Variants in RGS22 observed in about 807,000 individuals in gnomAD.
RGS22 encodes regulator of G protein signaling 22.
Under a neutral mutation model 172.9 loss-of-function variants are expected in RGS22, and 148 were observed. The observed-to-expected ratio is 0.86, with a 90% CI of 0.75 to 0.98. The LOEUF is 0.98. RGS22 is among the 50% of genes least tolerant of loss of function. The pLI is 0.00. For synonymous variants in RGS22, 458 were observed against 480.2 expected, an observed-to-expected ratio of 0.95 and a Z score of 0.60; for missense variants, 1,347 against 1,440.8, an observed-to-expected ratio of 0.93 and a Z score of 1.05.
intron 3 of RGS22, among the ~76,000 whole-genome samples, chr8:100,089,665 G>T (rs1285003729): frequency 6.6e-6 from 1 of 152,086 alleles, no homozygotes; most frequent in Non-Finnish European, 1.5e-5. Context: ...TCTATTCAAA[G>T]AAACATTTAT....
intron 23 of RGS22, among the ~76,000 whole-genome samples, chr8:99,971,868 T>C (rs539873594): frequency 1.5e-3 from 225 of 152,244 alleles, no homozygotes; most frequent in African/African-American, 5.2e-3. Flanking sequence ...CAAGCTACCA[T>C]TGACTTTCTT....
At chr8:99,999,114 A>G in intron 19 of RGS22, 148 bp downstream of exon 19, 1 of 664,480 alleles carries the variant, frequency 1.5e-6, no homozygotes, top group Non-Finnish European at 2.5e-6. Flanking sequence ...AGCTAGGATC[A>G]CACCACTGCA....
chr8:99,974,562 G>A (rs1053663088), intron 23 of RGS22, among the ~76,000 whole-genome samples: 1 of 152,166 alleles, frequency 6.6e-6, no homozygotes, highest in African/African-American at 2.4e-5. Context: ...CACTTTGGGA[G>A]GCCAAGGTGG....
At chr8:100,076,610 T>G (rs1256718627) in intron 4 of RGS22, among the ~76,000 whole-genome samples, 10 of 152,250 alleles carry the variant, frequency 6.6e-5, no homozygotes, top group Admixed American at 6.5e-4. Context: ...GGCACGATTT[T>G]AAACTGTGAA....
chr8:100,075,185 A>C (rs59118638), intron 4 of RGS22, among the ~76,000 whole-genome samples: 3,115 of 152,238 alleles, frequency 0.02, 106 homozygotes, highest in African/African-American at 0.07. Context: ...CTCATACTGA[A>C]TGTGATCCCC....
chr8:99,977,930 T>G lies in RGS22; in HGVS notation c.3506A>C (p.Glu1169Ala), dbSNP rs1305045955. Reference sequence around the variant, plus strand: ...GTCTTGTCTCACCTTTCCAGATTTTTCGTCTTCTAGGACTGCCAATTTTTT... The same window carrying G: ...GTCTTGTCTCACCTTTCCAGATTTTGCGTCTTCTAGGACTGCCAATTTTTT... Reference protein sequence around the residue: ...QKKKLAVLEDEKSGKDGIKQY... With the variant: ...QKKKLAVLEDAKSGKDGIKQY... Residue 1169 changes from glutamate to alanine, a missense_variant, in exon 23 of 28, where the codon GAA (glutamate) becomes GCA (alanine). By Grantham distance (107) the Glu-to-Ala change is moderately radical. Coordinates refer to ENST00000360863, the MANE Select transcript of RGS22 (RefSeq NM_015668.5). The G allele has an allele frequency of 2.6e-6, 4 of 1,564,374 alleles. No individual in the cohort carries two copies. Among genetic ancestry groups the G allele is most frequent in the Non-Finnish European group, 3.4e-6 (4 of 1,164,552 alleles).
intron 9 of RGS22, among the ~76,000 whole-genome samples, chr8:100,055,595 C>G (rs536625965): frequency 6.6e-6 from 1 of 152,272 alleles, no homozygotes; most frequent in South Asian, 2.1e-4. Context: ...CCAAATCTCA[C>G]CTTGAATTAT....
At chr8:100,029,533 C>T (rs982665888) in intron 14 of RGS22, among the ~76,000 whole-genome samples, 1 of 151,858 alleles carries the variant, frequency 6.6e-6, no homozygotes, top group South Asian at 2.1e-4. Context: ...GAAACCCCGT[C>T]TCTACTAAAA....
At chr8:100,008,022 T>A (rs2131365661) in intron 15 of RGS22, among the ~76,000 whole-genome samples, 1 of 151,590 alleles carries the variant, frequency 6.6e-6, no homozygotes, top group South Asian at 2.1e-4. Context: ...TTTTTATTTT[T>A]ATTTTATTTT....
intron 14 of RGS22, among the ~76,000 whole-genome samples, chr8:100,014,513 C>A (rs1007027456): frequency 6.6e-6 from 1 of 152,176 alleles, no homozygotes; most frequent in Non-Finnish European, 1.5e-5. Context: ...TCAATAGCTT[C>A]TTTCCTTAAT....
rs745432794 is a variant in RGS22, at chr8:100,063,950, CCTT to C, written c.815_817del (p.Glu272del). 7.6e-5 allele frequency: 120 copies of C among 1,576,098 alleles called. No homozygotes were observed. Among genetic ancestry groups the C allele is most frequent in the East Asian group, 2.0e-4 (9 of 44,340 alleles). ...AGATACAGACACCTCTTCTTCTTCT[CCTT>C]CTTCTTCTTCAAATTCAGAAATCAA... On this transcript the variant is annotated inframe_deletion, in exon 8 of 28. Coordinates refer to ENST00000360863, the MANE Select transcript of RGS22 (RefSeq NM_015668.5).
chr8:99,997,944 G>C (rs1376068080), intron 19 of RGS22, among the ~76,000 whole-genome samples: 1 of 152,182 alleles, frequency 6.6e-6, no homozygotes, highest in Non-Finnish European at 1.5e-5. Context: ...GATATGCATA[G>C]ACAGAGATGT....
rs1387939694 is a variant in RGS22 at position 100,080,244 on chromosome 8, G to A, written c.229C>T (p.Pro77Ser). 6.2e-7 allele frequency: 1 copy of A among 1,613,792 alleles called. No individual in the cohort carries two copies. The highest frequency in any genetic ancestry group is 1.7e-5 in the Admixed American group (1 of 60,008). The change falls in exon 4 of 28, where the codon CCT (proline) becomes TCT (serine). Residue 77 changes from proline to serine, a missense_variant. Physicochemically the swap from Pro to Ser is moderately conservative, Grantham distance 74. Coordinates refer to ENST00000360863, the MANE Select transcript of RGS22 (RefSeq NM_015668.5). ...ACAACATCATAAATGGGATTTCGAG[G>A]TTGCTGGTTTTGTAGAATTTTTTTC... is the stretch of plus-strand genomic sequence containing the variant. ...QLKKILQNQQPRNPIYDVVRK... is the reference protein window; with the variant it reads ...QLKKILQNQQSRNPIYDVVRK...
intron 3 of RGS22, among the ~76,000 whole-genome samples, chr8:100,090,944 T>G (rs920967002): frequency 7.9e-5 from 12 of 152,160 alleles, no homozygotes; most frequent in African/African-American, 2.7e-4. Context: ...TGATTCAATT[T>G]ATTATTTTTA....
chr8:100,007,862 A>G (rs1258864944), intron 15 of RGS22, among the ~76,000 whole-genome samples: 1 of 151,770 alleles, frequency 6.6e-6, no homozygotes, highest in Non-Finnish European at 1.5e-5. Flanking sequence ...AAAAAAAAAA[A>G]TTCAAGTGGG....
At chr8:99,978,907 C>CT in intron 22 of RGS22, among the ~76,000 whole-genome samples, 1 of 152,138 alleles carries the variant, frequency 6.6e-6, no homozygotes. Flanking sequence ...AAAGAGGAAT[C>CT]TTTAAAAAGT....
chr8:100,009,011 A>C (rs80306420), intron 14 of RGS22, among the ~76,000 whole-genome samples: 3,465 of 152,276 alleles, frequency 0.023, 114 homozygotes, highest in East Asian at 0.11. Flanking sequence ...ACAGACTACC[A>C]GCCCTACCAA....
chr8:100,051,401 AT>A (rs1241027886), intron 10 of RGS22, among the ~76,000 whole-genome samples: 3 of 130,450 alleles, frequency 2.3e-5, no homozygotes, highest in African/African-American at 8.6e-5. Flanking sequence ...ATTTTTATAT[AT>A]ATATTTATTA....
chr8:100,032,256 G>A (rs1420244998), intron 14 of RGS22, among the ~76,000 whole-genome samples: 1 of 152,140 alleles, frequency 6.6e-6, no homozygotes, highest in Non-Finnish European at 1.5e-5. Context: ...TCAGTGTGCT[G>A]TATTCAGGAG....
Sources: gnomAD v4.1 joint callset for allele counts (sites outside exome capture counted in the v4.1 genomes callset) on GRCh38, gnomAD v4.1.1 for gene constraint, MANE v1.5 for transcripts, NCBI Gene and HGNC (gene_info 2026-07-23, HGNC 2026-07-21) for gene names.